Variants in ZFYVE19 observed in about 807,000 individuals in gnomAD.
ZFYVE19 encodes the protein zinc finger FYVE-type containing 19.
A neutral mutation model predicts 62.8 loss-of-function variants in ZFYVE19; 49 were observed. The observed-to-expected ratio is 0.78, with a 90% CI of 0.62 to 0.99. The LOEUF (loss-of-function observed/expected upper bound fraction) is 0.99. Among genes scored for constraint, ZFYVE19 ranks in the 50% least tolerant of loss-of-function variants. The pLI, the probability that ZFYVE19 is intolerant of heterozygous loss-of-function variation, is 0.00. For missense variants in ZFYVE19, 630 were observed against 601.9 expected, an observed-to-expected ratio of 1.05 and a Z score of -0.49; for synonymous variants, 242 against 234.3, an observed-to-expected ratio of 1.03 and a Z score of -0.30.
At position 40,807,664 on chromosome 15, in the gene ZFYVE19, T is replaced by A. The variant is rs1458934593; in HGVS notation, c.75T>A (p.Pro25=). 4.3e-6 allele frequency: 7 copies of A among 1,612,360 alleles called. No individual in the cohort carries two copies. Among genetic ancestry groups the A allele is most frequent in the Non-Finnish European group, 5.1e-6 (6 of 1,179,662 alleles). The change falls in exon 1 of 11, where the codon CCT becomes CCA. Residue 25 remains proline (P), a synonymous_variant. Coordinates refer to ENST00000355341, the MANE Select transcript of ZFYVE19 (RefSeq NM_001077268.2). The part of the protein sequence containing the change: ...YAGCRRASGF[P]ALGRGGTVPV... ...GCTGCAGGAGAGCGTCCGGATTCCC[T>A]GCTCTAGGTCGCGGCGGGACAGTGC... is the stretch of plus-strand genomic sequence containing the variant.
chr15:40,812,741 G>A lies in ZFYVE19; in HGVS notation c.869G>A (p.Ser290Asn). 6.2e-7 allele frequency: 1 copy of A among 1,611,354 alleles called. No individual in the cohort carries two copies. Among genetic ancestry groups the A allele is most frequent in the Non-Finnish European group, 8.5e-7 (1 of 1,179,998 alleles). ...GATCTCAACCAGGGTGGCCCAGGGA[G>A]CACTAATTCCAAGAGGCAGGCCAAC... ...QNDLNQGGPG[S>N]TNSKRQANWS... The change falls in exon 7 of 11, where the codon AGC becomes AAC. Residue 290 changes from serine to asparagine, a missense_variant. By Grantham distance (46) the Ser-to-Asn change is conservative. Coordinates refer to ENST00000355341, the MANE Select transcript of ZFYVE19 (RefSeq NM_001077268.2).
chr15:40,810,678 A>G lies in ZFYVE19; in HGVS notation c.747A>G (p.Gln249=). The change falls in exon 6 of 11, where the codon CAA becomes CAG. Residue 249 remains glutamine (Q), a synonymous_variant. Transcript: ENST00000355341. ...ATCACACACCGGACACCAGGACCCA[A>G]GCCCAGCAGACACAGGATCTGCTAA... ...PAHHTPDTRT[Q]AQQTQDLLTQ... 1.3e-6 allele frequency: 2 copies of G among 1,575,776 alleles called. No individual in the cohort carries two copies. The highest frequency in any genetic ancestry group is 2.3e-5 in the South Asian group (2 of 85,582).
chr15:40,807,147 C>G lies in ZFYVE19; in HGVS notation c.-443C>G. On this transcript the variant is annotated 5_prime_UTR_variant, in exon 1 of 11. Coordinates refer to ENST00000355341, the MANE Select transcript of ZFYVE19 (RefSeq NM_001077268.2). ...GACAGGGGCCACGGGGAGAGCACAG[C>G]CACCCGGCGCGAAGAGCCCTCTGTA... 1 of 1,157,878 alleles carries G rather than the reference C, an allele frequency of 8.6e-7. No homozygotes were observed. The highest frequency in any genetic ancestry group is 1.2e-6 in the Non-Finnish European group (1 of 843,200). 71.7% of individuals were successfully genotyped at this position (1,157,878 alleles called of 1,614,324 possible). A position where few individuals can be genotyped will look rare whatever the true frequency, so the allele number is the denominator to read the frequency against.
intron 6 of ZFYVE19, among the ~76,000 whole-genome samples, chr15:40,811,854 T>G (rs1222891426): frequency 2.0e-5 from 3 of 152,254 alleles, no homozygotes; most frequent in Non-Finnish European, 4.4e-5. Context: ...TTAAACCTCT[T>G]GCTCTGAAAC....
chr15:40,809,739 G>T, intron 3 of ZFYVE19, 113 bp from the exon 4 acceptor site: 1 of 1,196,536 alleles, frequency 8.4e-7, no homozygotes, highest in Non-Finnish European at 1.2e-6. Context: ...ATTGCCCATT[G>T]GAGGCCTCCC....
In ZFYVE19 at chr15:40,807,269, C is replaced by G; in HGVS notation, c.-321C>G. On this transcript the variant is annotated 5_prime_UTR_variant, in exon 1 of 11. Transcript: ENST00000355341. Reference sequence around the variant, plus strand: ...CGACCCTCGCTCCCCGCCCAGGACCCGAATGAACCTGGAGAGCGGATGCCA... The same window carrying G: ...CGACCCTCGCTCCCCGCCCAGGACCGGAATGAACCTGGAGAGCGGATGCCA... 1 of 1,604,858 alleles carries G rather than the reference C, an allele frequency of 6.2e-7. No individual in the cohort carries two copies.
chr15:40,813,112 C>T (rs750076384), intron 7 of ZFYVE19, among the ~76,000 whole-genome samples: 22 of 152,168 alleles, frequency 1.4e-4, no homozygotes, highest in Admixed American at 4.6e-4. Flanking sequence ...CTGAGGCTTT[C>T]GCTCCAGCCC....
In ZFYVE19 at chr15:40,815,021, T is replaced by G. The variant is rs1226012416; in HGVS notation, c.*795T>G. 2.6e-5 allele frequency: 4 copies of G among 152,476 alleles called. No individual in the cohort carries two copies. Among genetic ancestry groups the G allele is most frequent in the Admixed American group, 1.3e-4 (2 of 15,276 alleles). The allele number at this position is 152,476 out of a possible 1,614,324, so 9.4% of individuals were successfully genotyped here. Reference sequence around the variant, plus strand: ...ACCCTTTACATGCCTCTGCATTGCCTCTGCTGTTTCTCTTCCTGCCCCTGG... The same window carrying G: ...ACCCTTTACATGCCTCTGCATTGCCGCTGCTGTTTCTCTTCCTGCCCCTGG... On this transcript the variant is annotated 3_prime_UTR_variant, in exon 11 of 11. Transcript: ENST00000355341.
chr15:40,810,512 G>A (rs1890451484), intron 5 of ZFYVE19, 137 bp from the exon 6 acceptor site: 10 of 1,459,298 alleles, frequency 6.9e-6, no homozygotes, highest in East Asian at 5.0e-5. Context: ...TGTTGGGGAC[G>A]GCCAGACCTA....
chr15:40,807,378 C>T lies in ZFYVE19; in HGVS notation c.-212C>T, dbSNP rs1890275406. 6.2e-7 allele frequency: 1 copy of T among 1,614,256 alleles called. No homozygotes were observed. The highest frequency in any genetic ancestry group is 8.5e-7 in the Non-Finnish European group (1 of 1,180,050). The stretch of plus-strand genomic sequence containing the variant: ...TCGCCACCGTTCTCACCTCTTTGTC[C>T]GCTGCCTTCTCCTCAATGCCTAGCA... On this transcript the variant is annotated 5_prime_UTR_variant, in exon 1 of 11. Transcript: ENST00000355341.
chr15:40,808,258 G>C (rs1326611114), intron 1 of ZFYVE19: 1 of 1,596,710 alleles, frequency 6.3e-7, no homozygotes, highest in African/African-American at 1.3e-5. Flanking sequence ...CCCGCAGCCT[G>C]CCCTTCTCCA....
rs758192330 is a variant in ZFYVE19 at position 40,809,883 on chromosome 15, C to T, written c.484C>T (p.Pro162Ser). Residue 162 changes from proline (P) to serine (S), a missense_variant, in exon 4 of 11, where the codon CCC becomes TCC. Transcript: ENST00000355341. ...RVAALEAKQK[P>S]STSQSQGLTR... is the part of the protein sequence containing the mutation. ...GGCAGCCTTGGAAGCCAAGCAAAAG[C>T]CCAGCACTTCCCAGAGCCAGGGACT... is the stretch of plus-strand genomic sequence containing the variant. 6 of 1,614,114 alleles carry T rather than the reference C, an allele frequency of 3.7e-6. No individual in the cohort carries two copies. Among genetic ancestry groups the T allele is most frequent in the African/African-American group, 2.7e-5 (2 of 74,938 alleles).
In ZFYVE19 at chr15:40,808,860, A is replaced by C; in HGVS notation, c.280-259A>C. The stretch of plus-strand genomic sequence containing the variant: ...TGGGCTTTATCTATCTGTCTTCTAC[A>C]TCCCTGGGTCAGGGAATTGAAGACA... On this transcript the variant is annotated intron_variant, in intron 1 of 10. Transcript: ENST00000355341. The C allele has an allele frequency of 7.0e-6, 3 of 427,030 alleles. No individual in the cohort carries two copies. The South Asian group carries it at 7.8e-5, about 11-fold the overall frequency. The allele number at this position is 427,030 out of a possible 1,614,324, so 26.5% of individuals were successfully genotyped here. A position where few individuals can be genotyped will look rare whatever the true frequency, so the allele number is the denominator to read the frequency against.
Position 40,807,461 on chromosome 15 carries a change from G to T in ZFYVE19, c.-129G>T. The T allele has an allele frequency of 6.2e-7, 1 of 1,614,164 alleles. No individual in the cohort carries two copies. Among genetic ancestry groups the T allele is most frequent in the South Asian group, 1.1e-5 (1 of 91,080 alleles). On this transcript the variant is annotated 5_prime_UTR_variant, in exon 1 of 11. Coordinates refer to ENST00000355341, the MANE Select transcript of ZFYVE19 (RefSeq NM_001077268.2). ...GTCACTGCCATGGTTCCGGCCTGAC[G>T]GATTCGTACTACAACTCCCAAGAGT...
Position 40,810,774 on chromosome 15 carries a change from G to A in ZFYVE19, c.826+17G>A. 6.4e-7 allele frequency: 1 copy of A among 1,552,648 alleles called. No individual in the cohort carries two copies. On this transcript the variant is annotated intron_variant, in intron 6 of 10. Transcript: ENST00000355341. ...GAGGCCCAGGTAACCCCTCCACTTGGCTCCCTAGGAATCTGCCCTACCTCT... is the reference window on the plus strand; with the variant it reads ...GAGGCCCAGGTAACCCCTCCACTTGACTCCCTAGGAATCTGCCCTACCTCT...
In ZFYVE19 at chr15:40,812,895, C is replaced by T. The variant is rs923191414; in HGVS notation, c.1023C>T (p.Pro341=). The T allele has an allele frequency of 2.1e-5, 34 of 1,610,580 alleles. No individual in the cohort carries two copies. Among genetic ancestry groups the T allele is most frequent in the Admixed American group, 5.0e-5 (3 of 59,996 alleles). The change falls in exon 7 of 11, where the codon CCC becomes CCT. Residue 341 remains proline (P), a synonymous_variant. Coordinates refer to ENST00000355341, the MANE Select transcript of ZFYVE19 (RefSeq NM_001077268.2). ...KRLAMLRGQD[P]ERVTLQDYRL... ...TAGCCATGCTGCGGGGACAGGACCC[C>T]GAGAGAGGTGAAGGCTGGGGAGCAG...
Position 40,810,768 on chromosome 15 carries a change from C to T in ZFYVE19, c.826+11C>T. On this transcript the variant is annotated intron_variant, in intron 6 of 10. Transcript: ENST00000355341. ...AAGGAGGAGGCCCAGGTAACCCCTCCACTTGGCTCCCTAGGAATCTGCCCT... is the reference window on the plus strand; with the variant it reads ...AAGGAGGAGGCCCAGGTAACCCCTCTACTTGGCTCCCTAGGAATCTGCCCT... 6.4e-7 allele frequency: 1 copy of T among 1,553,968 alleles called. No individual in the cohort carries two copies. Among genetic ancestry groups the T allele is most frequent in the East Asian group, 2.4e-5 (1 of 41,264 alleles).
At chr15:40,810,979 A>G (rs1470366989) in intron 6 of ZFYVE19, 6 of 521,622 alleles carry the variant, frequency 1.2e-5, no homozygotes, top group Admixed American at 1.0e-4. Context: ...TCTACCACGT[A>G]TTAGCTGTGT....
rs368769084 is a variant in ZFYVE19, at chr15:40,813,786, C to T, written c.1184C>T (p.Thr395Met). The change falls in exon 9 of 11, where the codon ACG becomes ATG. Residue 395 changes from threonine to methionine, a missense_variant. Physicochemically the swap from Thr to Met is moderately conservative, Grantham distance 81. Coordinates refer to ENST00000355341, the MANE Select transcript of ZFYVE19 (RefSeq NM_001077268.2). ...IPAEQASRPW[T>M]QPRGAEPEAQ... is the part of the protein sequence containing the mutation. ...GCAGAGCAGGCTTCTCGACCCTGGA[C>T]GCAACCCCGCGGGGCAGAGCCTGAG... is the stretch of plus-strand genomic sequence containing the variant. 22 of 1,614,044 alleles carry T rather than the reference C, an allele frequency of 1.4e-5. No homozygotes were observed. The highest frequency in any genetic ancestry group is 3.3e-4 in the Middle Eastern group (2 of 6,062).
Sources: gnomAD v4.1 joint callset for allele counts (sites outside exome capture counted in the v4.1 genomes callset) on GRCh38, gnomAD v4.1.1 for gene constraint, MANE v1.5 for transcripts, NCBI Gene and HGNC (gene_info 2026-07-23, HGNC 2026-07-21) for gene names.